Variants in CTNNA3 observed in about 807,000 individuals in gnomAD.
CTNNA3 encodes catenin alpha 3.
Under a neutral mutation model 95.7 loss-of-function variants are expected in CTNNA3, and 76 were observed. The observed-to-expected ratio is 0.79, with a 90% CI of 0.66 to 0.96. The LOEUF (loss-of-function observed/expected upper bound fraction) is 0.96. Among genes scored for constraint, CTNNA3 ranks in the 40% least tolerant of loss-of-function variants. CTNNA3 has a pLI of 0.00. For synonymous variants in CTNNA3, 431 were observed against 374.4 expected, an observed-to-expected ratio of 1.15 and a Z score of -1.74; for missense variants, 1,191 against 1,089.8, an observed-to-expected ratio of 1.09 and a Z score of -1.31.
chr10:66,461,379 AAC>A (rs1462520683), intron 11 of CTNNA3, among the ~76,000 whole-genome samples: 2 of 152,198 alleles, frequency 1.3e-5, no homozygotes, highest in African/African-American at 4.8e-5. Context: ...ATTATTTTAA[AAC>A]AGTTCATTTA....
chr10:66,829,147 A>C (rs1842621014), intron 7 of CTNNA3, among the ~76,000 whole-genome samples: 2 of 152,214 alleles, frequency 1.3e-5, no homozygotes, highest in African/African-American at 2.4e-5. Context: ...CTCTGGTACA[A>C]CACCTTGTAA....
In CTNNA3 at chr10:67,304,313, A is replaced by G. The variant is rs563686703; in HGVS notation, c.580-84443T>C. Among the ~76,000 whole-genome samples, 67 of 152,314 alleles carry G rather than the reference A, an allele frequency of 4.4e-4. 1 individual carries two copies. The highest frequency in any genetic ancestry group is 1.5e-3 in the African/African-American group (62 of 41,562). On this transcript the variant is annotated intron_variant, in intron 5 of 17. Coordinates refer to ENST00000433211, the MANE Select transcript of CTNNA3 (RefSeq NM_013266.4). ...CCATAGGCACTTCACTATATAGGACAAGTACATACACAAGAATAAGAAGCC... is the reference window on the plus strand; with the variant it reads ...CCATAGGCACTTCACTATATAGGACGAGTACATACACAAGAATAAGAAGCC...
chr10:65,942,003 T>C (rs2077438038), intron 17 of CTNNA3, among the ~76,000 whole-genome samples: 1 of 152,212 alleles, frequency 6.6e-6, no homozygotes, highest in Non-Finnish European at 1.5e-5. Context: ...TCACCTGTTT[T>C]GGTTTTTTGT....
chr10:67,321,904 AG>A (rs1450261693), intron 5 of CTNNA3, among the ~76,000 whole-genome samples: 3 of 152,086 alleles, frequency 2.0e-5, no homozygotes, highest in Non-Finnish European at 2.9e-5. Context: ...TCATTTGCTC[AG>A]GTGGAATATT....
chr10:66,217,352 C>CAAAAAA (rs34541755), intron 13 of CTNNA3, among the ~76,000 whole-genome samples: 1 of 128,226 alleles, frequency 7.8e-6, no homozygotes, highest in African/African-American at 3.0e-5. Flanking sequence ...GACTCTATCT[C>CAAAAAA]AAAAAAAAAA....
At chr10:66,189,618 A>ATATATATATATATATATG (rs199807873) in intron 13 of CTNNA3, among the ~76,000 whole-genome samples, 242 of 58,484 alleles carry the variant, frequency 4.1e-3, no homozygotes, top group Middle Eastern at 0.027. Flanking sequence ...ATATATATAT[A>ATATATATATATATATATG]CACACATACA....
chr10:66,725,049 T>C (rs1848738824), intron 9 of CTNNA3, among the ~76,000 whole-genome samples: 1 of 152,172 alleles, frequency 6.6e-6, no homozygotes, highest in African/African-American at 2.4e-5. Flanking sequence ...CTTTAAATCA[T>C]ACCTAGATTA....
intron 1 of CTNNA3, among the ~76,000 whole-genome samples, chr10:67,719,810 T>C (rs1841167283): frequency 1.3e-5 from 2 of 152,166 alleles, no homozygotes; most frequent in South Asian, 2.1e-4. Context: ...CAGATGTCTA[T>C]TAGGTCCACT....
intron 7 of CTNNA3, among the ~76,000 whole-genome samples, chr10:66,951,116 CACTGTCT>C (rs1372594754): frequency 1.5e-5 from 2 of 136,636 alleles, no homozygotes; most frequent in African/African-American, 5.2e-5. Context: ...CACACACACA[CACTGTCT>C]TTTTTTTTTT....
intron 7 of CTNNA3, among the ~76,000 whole-genome samples, chr10:66,804,200 T>C (rs1214327568): frequency 1.3e-5 from 2 of 152,060 alleles, no homozygotes; most frequent in Non-Finnish European, 2.9e-5. Context: ...CTTAAACTGG[T>C]TTCCAGAATA....
chr10:66,809,782 GT>G (rs1191186105), intron 7 of CTNNA3, among the ~76,000 whole-genome samples: 2 of 147,626 alleles, frequency 1.4e-5, no homozygotes, highest in Non-Finnish European at 3.0e-5. Flanking sequence ...TTTAATTTAT[GT>G]TTTTACCTAG....
At chr10:66,306,782 A>T (rs2091940628) in intron 12 of CTNNA3, among the ~76,000 whole-genome samples, 1 of 152,206 alleles carries the variant, frequency 6.6e-6, no homozygotes, top group South Asian at 2.1e-4. Context: ...AAAAAGAATT[A>T]AAGACTGGTT....
intron 12 of CTNNA3, among the ~76,000 whole-genome samples, chr10:66,297,144 G>A (rs1412823343): frequency 2.0e-5 from 3 of 152,096 alleles, no homozygotes; most frequent in Non-Finnish European, 4.4e-5. Flanking sequence ...ACTAGAAAGA[G>A]AAGAATGGCA....
intron 7 of CTNNA3, among the ~76,000 whole-genome samples, chr10:66,910,605 C>T (rs959221149): frequency 2.6e-5 from 4 of 152,292 alleles, no homozygotes; most frequent in Admixed American, 1.3e-4. Flanking sequence ...CACAAGGTAG[C>T]ATGTAGGCAT....
chr10:66,346,076 C>CAAAAAAA (rs746349432), intron 12 of CTNNA3, among the ~76,000 whole-genome samples: 1 of 70,428 alleles, frequency 1.4e-5, no homozygotes, highest in African/African-American at 5.3e-5. Flanking sequence ...GACTCCATCT[C>CAAAAAAA]AAAAAAAAAA....
chr10:67,157,217 AAC>A (rs146850863), intron 7 of CTNNA3, among the ~76,000 whole-genome samples: 2 of 151,764 alleles, frequency 1.3e-5, no homozygotes, highest in African/African-American at 2.4e-5. Context: ...CACACATGCA[AAC>A]ACACACACAC....
At chr10:66,958,460 CTTT>C (rs34122059) in intron 7 of CTNNA3, among the ~76,000 whole-genome samples, 145 of 151,566 alleles carry the variant, frequency 9.6e-4, no homozygotes, top group Admixed American at 2.2e-3. Context: ...AAATAAAAAG[CTTT>C]TTTTTTTAAA....
At chr10:67,745,587 C>G (rs920728846) in intron 1 of CTNNA3, among the ~76,000 whole-genome samples, 1 of 151,228 alleles carries the variant, frequency 6.6e-6, no homozygotes, top group African/African-American at 2.4e-5. Flanking sequence ...GTGCAGCACA[C>G]CAACATGGCA....
intron 11 of CTNNA3, among the ~76,000 whole-genome samples, chr10:66,453,488 C>A (rs1234453808): frequency 6.6e-6 from 1 of 152,168 alleles, no homozygotes; most frequent in Non-Finnish European, 1.5e-5. Flanking sequence ...GGCCAGGGAA[C>A]CATCAGAAGT....
Sources: allele counts gnomAD v4.1 joint callset (sites outside exome capture counted in the v4.1 genomes callset), GRCh38; gene constraint gnomAD v4.1.1; transcripts MANE v1.5; gene names NCBI Gene and HGNC (gene_info 2026-07-23, HGNC 2026-07-21).